Variants in ARHGEF28 observed in about 807,000 individuals in gnomAD.
ARHGEF28 encodes Rho guanine nucleotide exchange factor 28, also known as 190 kDa guanine nucleotide exchange factor.
In ARHGEF28, 152 loss-of-function variants were observed where a neutral mutation model predicts 206.6. The ratio of observed to expected loss-of-function variants is 0.74; its 90% confidence interval spans 0.64 to 0.84. The LOEUF is 0.84. Among genes scored for constraint, ARHGEF28 ranks in the 40% least tolerant of loss-of-function variants. The probability of loss-of-function intolerance (pLI) is 0.00; values close to 1 mark genes in which losing one functional copy is unlikely to be tolerated. For missense variants in ARHGEF28, 2,028 were observed against 2,073.2 expected (o/e 0.98, Z 0.42); for synonymous variants, 763 against 776.4 (o/e 0.98, Z 0.29).
At chr5:73,674,590 G>C (rs1462421242) in intron 1 of ARHGEF28, among the ~76,000 whole-genome samples, 2 of 152,186 alleles carry the variant, frequency 1.3e-5, no homozygotes, top group Non-Finnish European at 2.9e-5. Flanking sequence ...TCTCCCAAAT[G>C]ATGTATTTTT....
intron 1 of ARHGEF28, among the ~76,000 whole-genome samples, chr5:73,670,461 A>G (rs1249485773): frequency 6.6e-6 from 1 of 152,334 alleles, no homozygotes; most frequent in South Asian, 2.1e-4. Context: ...TAAGACTGCT[A>G]TGAACAATCA....
intron 6 of ARHGEF28, among the ~76,000 whole-genome samples, chr5:73,779,558 C>CG (rs555608133): frequency 5.3e-5 from 8 of 152,214 alleles, no homozygotes; most frequent in East Asian, 1.9e-4. Context: ...CATTGAAAGA[C>CG]GGGGGGTCAG....
chr5:73,783,514 A>G (rs1409430543), intron 7 of ARHGEF28, among the ~76,000 whole-genome samples: 1 of 152,112 alleles, frequency 6.6e-6, no homozygotes, highest in Non-Finnish European at 1.5e-5. Context: ...AGCTCTGTAA[A>G]GTTCACTTTG....
At chr5:73,812,084 G>T (rs1464108943) in intron 9 of ARHGEF28, among the ~76,000 whole-genome samples, 2 of 151,038 alleles carry the variant, frequency 1.3e-5, no homozygotes, top group Non-Finnish European at 2.9e-5. Flanking sequence ...TGTTTTAGTT[G>T]TATGTTTATG....
At chr5:73,748,345 A>AT (rs80228812) in intron 2 of ARHGEF28, among the ~76,000 whole-genome samples, 36,305 of 151,804 alleles carry the variant, frequency 0.24, 4,893 homozygotes, top group Non-Finnish European at 0.31. Flanking sequence ...CCAACCAGTG[A>AT]TTTTTTTTCA....
chr5:73,883,613 T>G (rs1761088429), intron 23 of ARHGEF28, among the ~76,000 whole-genome samples, 154 bp from the exon 24 acceptor site: 1 of 152,176 alleles, frequency 6.6e-6, no homozygotes. Context: ...AAGTATGCAA[T>G]TTAAATTAGT....
chr5:73,745,581 C>T (rs554409977), intron 2 of ARHGEF28, among the ~76,000 whole-genome samples: 85 of 152,060 alleles, frequency 5.6e-4, no homozygotes, highest in Non-Finnish European at 1.1e-3. Context: ...TTACCTGATT[C>T]TTTGTGTGTA....
In ARHGEF28 at chr5:73,783,345, AGTGTGTGTGTGT is replaced by A. The variant is rs57320048; in HGVS notation, c.910+2629_910+2640del. Among the ~76,000 whole-genome samples, 141 of 145,918 alleles carry A rather than the reference AGTGTGTGTGTGT, an allele frequency of 9.7e-4. 1 individual carries two copies. Among genetic ancestry groups the A allele is most frequent in the East Asian group, 2.9e-3 (14 of 4,892 alleles). ...AGCTCATTTTGAAGCCCTGGAATAT[AGTGTGTGTGTGT>A]GTGTGTGTGTGTGTGTGTGTGTGTG... On this transcript the variant is annotated intron_variant, in intron 7 of 35. Transcript: ENST00000513042.
At chr5:73,818,126 C>G (rs1008226478) in intron 9 of ARHGEF28, among the ~76,000 whole-genome samples, 10 of 152,114 alleles carry the variant, frequency 6.6e-5, no homozygotes, top group African/African-American at 2.4e-4. Context: ...GTGCTTTCCA[C>G]TGTGGCCTGG....
chr5:73,749,227 A>T (rs1429807497), intron 2 of ARHGEF28, among the ~76,000 whole-genome samples: 1 of 152,252 alleles, frequency 6.6e-6, no homozygotes, highest in Non-Finnish European at 1.5e-5. Flanking sequence ...GTTTGTAAAT[A>T]TTTAAGATTC....
intron 9 of ARHGEF28, among the ~76,000 whole-genome samples, chr5:73,829,556 A>AT (rs1488559125): frequency 6.6e-6 from 1 of 151,732 alleles, no homozygotes; most frequent in Non-Finnish European, 1.5e-5. Flanking sequence ...ATTTTTTATA[A>AT]TTTTTAGTAG....
chr5:73,731,103 C>T (rs1009383203), intron 2 of ARHGEF28, among the ~76,000 whole-genome samples: 1 of 151,486 alleles, frequency 6.6e-6, no homozygotes, highest in Non-Finnish European at 1.5e-5. Context: ...AGTAACTGTG[C>T]TCAACCTAAT....
chr5:73,875,582 G>C (rs1580022395), intron 22 of ARHGEF28, among the ~76,000 whole-genome samples: 1 of 151,778 alleles, frequency 6.6e-6, no homozygotes, highest in South Asian at 2.1e-4. Flanking sequence ...AATCCATCTT[G>C]AATTAATTTT....
intron 18 of ARHGEF28, among the ~76,000 whole-genome samples, chr5:73,866,857 A>G (rs900698471): frequency 2.0e-4 from 30 of 152,202 alleles, no homozygotes; most frequent in Admixed American, 2.0e-3. Flanking sequence ...TTTTAAGTGC[A>G]TGGTAACTTT....
intron 22 of ARHGEF28, among the ~76,000 whole-genome samples, chr5:73,874,902 A>C (rs1760357069): frequency 6.6e-6 from 1 of 151,238 alleles, no homozygotes. Context: ...TCTTTATAGC[A>C]GCATGATTTA....
intron 2 of ARHGEF28, among the ~76,000 whole-genome samples, chr5:73,716,372 AG>A (rs1312715477): frequency 6.6e-6 from 1 of 152,190 alleles, no homozygotes; most frequent in African/African-American, 2.4e-5. Context: ...TATTAACAGT[AG>A]GTTTCTTCAC....
At chr5:73,724,493 A>G (rs1019248448) in intron 2 of ARHGEF28, among the ~76,000 whole-genome samples, 1 of 152,198 alleles carries the variant, frequency 6.6e-6, no homozygotes, top group East Asian at 1.9e-4. Context: ...TACACAGAGT[A>G]CTGCAACCAA....
At position 73,744,845 on chromosome 5, in the gene ARHGEF28, C is replaced by G. The variant is rs532716856; in HGVS notation, c.34-4992C>G. Among the ~76,000 whole-genome samples the G allele has an allele frequency of 1.2e-3, 185 of 152,050 alleles. 2 individuals carry two copies. Among genetic ancestry groups the G allele is most frequent in the African/African-American group, 4.3e-3 (178 of 41,516 alleles). ...ATTAACTTCCCATTTTTGCCTGTTACTATAAAAGCTAGAGTTCATAAACTT... is the reference window on the plus strand; with the variant it reads ...ATTAACTTCCCATTTTTGCCTGTTAGTATAAAAGCTAGAGTTCATAAACTT... On this transcript the variant is annotated intron_variant, in intron 2 of 35. Transcript: ENST00000513042.
At chr5:73,875,545 G>C (rs1760412671) in intron 22 of ARHGEF28, among the ~76,000 whole-genome samples, 1 of 150,906 alleles carries the variant, frequency 6.6e-6, no homozygotes, top group Non-Finnish European at 1.5e-5. Flanking sequence ...GGGTTTTTAT[G>C]GTTTTAGGTC....
Sources: allele counts gnomAD v4.1 joint callset (sites outside exome capture counted in the v4.1 genomes callset), GRCh38; gene constraint gnomAD v4.1.1; transcripts MANE v1.5; gene names NCBI Gene and HGNC (gene_info 2026-07-23, HGNC 2026-07-21).